MAGI3: variants seen among roughly 807,000 people sequenced by gnomAD.
MAGI3 encodes membrane-associated guanylate kinase, WW and PDZ domain-containing protein 3.
Under a neutral mutation model 121.8 loss-of-function variants are expected in MAGI3, and 43 were observed. That is an observed-to-expected ratio of 0.35 (90% confidence interval 0.28 to 0.46). MAGI3 has a LOEUF of 0.46. Ranked by LOEUF, MAGI3 falls within the 20% of genes least tolerant of loss-of-function variation. MAGI3 has a pLI of 1.00. For synonymous variants in MAGI3, 553 were observed against 639.3 expected, an observed-to-expected ratio of 0.86 and a Z score of 2.04; for missense variants, 1,547 against 1,797.3, an observed-to-expected ratio of 0.86 and a Z score of 2.52.
rs375115443 is a variant in MAGI3 at position 113,681,340 on chromosome 1, A to T, written c.3328+4A>T. 3 of 1,612,174 alleles carry T rather than the reference A, an allele frequency of 1.9e-6. No individual in the cohort carries two copies. The highest frequency in any genetic ancestry group is 1.3e-5 in the African/African-American group (1 of 74,810). ...ACTGGCTTGATACCTGACCATGGTA[A>T]GTAAAGTAGCCCACTAGTAGCTGAA... On this transcript the variant is annotated splice_donor_region_variant and intron_variant, in intron 20 of 20. Coordinates refer to ENST00000307546, the MANE Select transcript of MAGI3 (RefSeq NM_001142782.2).
intron 1 of MAGI3, among the ~76,000 whole-genome samples, chr1:113,524,978 T>C (rs1371177039): frequency 6.6e-6 from 1 of 152,084 alleles, no homozygotes; most frequent in Non-Finnish European, 1.5e-5. Flanking sequence ...TGATAGTGAG[T>C]AAGTCTTATG....
intron 1 of MAGI3, among the ~76,000 whole-genome samples, chr1:113,449,373 G>GTGTGTT: frequency 6.6e-6 from 1 of 151,492 alleles, no homozygotes; most frequent in Non-Finnish European, 1.5e-5. Flanking sequence ...GTGTGTGTGT[G>GTGTGTT]TGTGTGTGTG....
intron 1 of MAGI3, among the ~76,000 whole-genome samples, chr1:113,519,530 G>A (rs1658079402): frequency 6.6e-6 from 1 of 152,116 alleles, no homozygotes; most frequent in South Asian, 2.1e-4. Context: ...TTCCAAGTGT[G>A]GTGATTTGTT....
chr1:113,400,489 C>T (rs1244866372), intron 1 of MAGI3, among the ~76,000 whole-genome samples: 1 of 152,096 alleles, frequency 6.6e-6, no homozygotes, highest in Non-Finnish European at 1.5e-5. Flanking sequence ...TAAGAATCAT[C>T]ATAGCAAGTA....
chr1:113,547,566 T>A (rs979035083), intron 1 of MAGI3, among the ~76,000 whole-genome samples: 4 of 152,212 alleles, frequency 2.6e-5, no homozygotes, highest in African/African-American at 9.6e-5. Flanking sequence ...ACGAAAACTT[T>A]TGTATAACAT....
intron 2 of MAGI3, among the ~76,000 whole-genome samples, chr1:113,574,083 T>C (rs1169253418): frequency 6.6e-6 from 1 of 152,198 alleles, no homozygotes; most frequent in East Asian, 1.9e-4. Flanking sequence ...CCTGTGTGTG[T>C]CTCTTTGCAC....
intron 1 of MAGI3, among the ~76,000 whole-genome samples, chr1:113,415,545 A>T (rs757489722): frequency 5.3e-5 from 8 of 151,874 alleles, no homozygotes; most frequent in Non-Finnish European, 1.2e-4. Context: ...CGCTCCTATT[A>T]TACTCCAGCC....
At chr1:113,633,080 A>T (rs1168629535) in intron 9 of MAGI3, among the ~76,000 whole-genome samples, 1 of 110,980 alleles carries the variant, frequency 9.0e-6, no homozygotes. Context: ...CAGTCCCCAG[A>T]GTGTGATGTT....
intron 1 of MAGI3, among the ~76,000 whole-genome samples, chr1:113,533,021 T>G (rs2101643816): frequency 6.6e-6 from 1 of 152,308 alleles, no homozygotes; most frequent in South Asian, 2.1e-4. Flanking sequence ...ACCTCTCCCC[T>G]GTATCTATTG....
chr1:113,538,383 C>T (rs1250427202), intron 1 of MAGI3, among the ~76,000 whole-genome samples: 2 of 152,148 alleles, frequency 1.3e-5, no homozygotes, highest in Non-Finnish European at 2.9e-5. Context: ...TTTGTACGCT[C>T]CTGTCAAAAG....
chr1:113,672,662 G>C lies in MAGI3; in HGVS notation c.2966G>C (p.Arg989Thr). 1.2e-6 allele frequency: 2 copies of C among 1,613,968 alleles called. No individual in the cohort carries two copies. The highest frequency in any genetic ancestry group is 2.2e-5 in the South Asian group (2 of 91,050). The stretch of plus-strand genomic sequence containing the variant: ...GGAAAAGATGTCTCCACTTCTTACA[G>C]ACATTCTTGGTCAGACCACAAGCAC... Reference protein sequence around the residue: ...EIGKDVSTSYRHSWSDHKHLA... With the variant: ...EIGKDVSTSYTHSWSDHKHLA... The change falls in exon 18 of 21, where the codon AGA becomes ACA. Residue 989 changes from arginine (R) to threonine (T), a missense_variant. Coordinates refer to ENST00000307546, the MANE Select transcript of MAGI3 (RefSeq NM_001142782.2).
intron 1 of MAGI3, among the ~76,000 whole-genome samples, chr1:113,458,486 G>C (rs1654878905): frequency 6.6e-6 from 1 of 152,012 alleles, no homozygotes; most frequent in Non-Finnish European, 1.5e-5. Flanking sequence ...ATTATACCCT[G>C]TTTACTTTCA....
intron 1 of MAGI3, among the ~76,000 whole-genome samples, chr1:113,392,606 CTAAGGTCATAAT>C (rs574381189): frequency 1.3e-5 from 2 of 152,272 alleles, no homozygotes; most frequent in East Asian, 3.9e-4. Flanking sequence ...TCACATGCTC[CTAAGGTCATAAT>C]TAAGATTTTC....
At chr1:113,550,796 TA>T (rs1473479603) in intron 2 of MAGI3, among the ~76,000 whole-genome samples, 1 of 150,680 alleles carries the variant, frequency 6.6e-6, no homozygotes, top group African/African-American at 2.4e-5. Flanking sequence ...AATATATATA[TA>T]TTTTTACATG....
chr1:113,483,913 GTGTT>G (rs1022188478), intron 1 of MAGI3, among the ~76,000 whole-genome samples: 8 of 152,178 alleles, frequency 5.3e-5, no homozygotes, highest in Admixed American at 6.5e-5. Context: ...GTGTGTGTGT[GTGTT>G]TATCTGTTTT....
intron 15 of MAGI3, 44 bp downstream of exon 15, chr1:113,654,062 T>C (rs1216603549): frequency 4.7e-6 from 7 of 1,478,978 alleles, no homozygotes; most frequent in Admixed American, 2.1e-5. Context: ...CAAGTCCAGT[T>C]TTCTGAGGCT....
intron 1 of MAGI3, among the ~76,000 whole-genome samples, chr1:113,401,355 T>C (rs1390771943): frequency 6.6e-6 from 1 of 152,158 alleles, no homozygotes; most frequent in African/African-American, 2.4e-5. Flanking sequence ...AAGGCTTCAC[T>C]GCTTGGTTCT....
At chr1:113,494,290 G>A (rs1435659739) in intron 1 of MAGI3, among the ~76,000 whole-genome samples, 1 of 151,866 alleles carries the variant, frequency 6.6e-6, no homozygotes, top group Admixed American at 6.6e-5. Context: ...ATGTTCTCAC[G>A]TACAAGTGGG....
chr1:113,649,428 A>G (rs1653034457), intron 13 of MAGI3, 100 bp downstream of exon 13: 3 of 686,290 alleles, frequency 4.4e-6, no homozygotes, highest in Non-Finnish European at 7.3e-6. Context: ...TTTCTCTGAC[A>G]GTTTCATTAA....
Sources: allele counts gnomAD v4.1 joint callset (sites outside exome capture counted in the v4.1 genomes callset), GRCh38; gene constraint gnomAD v4.1.1; transcripts MANE v1.5; gene names NCBI Gene and HGNC (gene_info 2026-07-23, HGNC 2026-07-21).